Variants in CERS4 observed in about 807,000 individuals in gnomAD.
CERS4 encodes LAG1 homolog, ceramide synthase 4.
A neutral mutation model predicts 51.8 loss-of-function variants in CERS4; 65 were observed. The observed-to-expected ratio is 1.26, with a 90% CI of 1.03 to 1.54. CERS4 has a LOEUF of 1.54. Among genes scored for constraint, CERS4 ranks in the 40% most tolerant of loss-of-function variants. CERS4 has a pLI of 0.00. For synonymous variants in CERS4, 228 were observed against 208.4 expected (o/e 1.09, Z -0.81); for missense variants, 563 against 500.4 (o/e 1.13, Z -1.19).
At chr19:8,217,539 T>TTTA (rs1233922385) in intron 2 of CERS4, among the ~76,000 whole-genome samples, 1 of 147,118 alleles carries the variant, frequency 6.8e-6, no homozygotes, top group Non-Finnish European at 1.5e-5. Context: ...TGGCTAATGT[T>TTTA]TTTTTTTTTT....
At chr19:8,221,870 A>ATTTTTTT (rs1568501097) in intron 2 of CERS4, among the ~76,000 whole-genome samples, 2 of 31,752 alleles carry the variant, frequency 6.3e-5, no homozygotes, top group Non-Finnish European at 1.5e-4. Context: ...TTATTTTTTT[A>ATTTTTTT]TGTTTTTTTT....
intron 2 of CERS4, among the ~76,000 whole-genome samples, chr19:8,220,818 T>G (rs115047582): frequency 0.074 from 6,237 of 84,094 alleles, 418 homozygotes; most frequent in African/African-American, 0.24. Context: ...CTGTTTTGTG[T>G]TTTTTTTTTT....
At chr19:8,221,208 A>G (rs1967526516) in intron 2 of CERS4, among the ~76,000 whole-genome samples, 1 of 151,382 alleles carries the variant, frequency 6.6e-6, no homozygotes, top group South Asian at 2.1e-4. Flanking sequence ...GGCTCAAGCA[A>G]TCCTCCCACC....
chr19:8,254,731 G>A, intron 4 of CERS4, 115 bp downstream of exon 4: 2 of 828,758 alleles, frequency 2.4e-6, no homozygotes, highest in Non-Finnish European at 1.9e-6. Flanking sequence ...AGGCACCCCT[G>A]CAATGCCCCT....
In CERS4 at chr19:8,249,772, G is replaced by C. The variant is rs542436093; in HGVS notation, c.-1-1304G>C. Among the ~76,000 whole-genome samples, 9 of 151,562 alleles carry C rather than the reference G, an allele frequency of 5.9e-5. No individual in the cohort carries two copies. In the South Asian group the frequency reaches 1.9e-3, roughly 32 times the overall value. On this transcript the variant is annotated intron_variant, in intron 2 of 11. Coordinates refer to ENST00000251363, the MANE Select transcript of CERS4 (RefSeq NM_024552.3). ...TGCCTGGCTAATTTTTGTATTTTTA[G>C]TAGAGACAGGGTTTCACCATGTTGG...
intron 10 of CERS4, among the ~76,000 whole-genome samples, chr19:8,259,919 A>G (rs1043260254): frequency 6.6e-6 from 1 of 152,118 alleles, no homozygotes; most frequent in Non-Finnish European, 1.5e-5. Context: ...CCCATGGAGC[A>G]TGAGAGTCAG....
At chr19:8,260,185 AAC>A (rs1382039806) in intron 10 of CERS4, among the ~76,000 whole-genome samples, 1 of 151,810 alleles carries the variant, frequency 6.6e-6, no homozygotes, top group Admixed American at 6.6e-5. Flanking sequence ...GGGTAGGAGA[AAC>A]ACAGCAGCTA....
At position 8,262,104 on chromosome 19, in the gene CERS4, A is replaced by C. The variant is rs1482341887; in HGVS notation, c.1180A>C (p.Thr394Pro). Reference sequence around the variant, plus strand: ...TCTGACCAACAGGCACACAACAGCCACATAGCCGGGCGGGGCTGGCTGTAA... The same window carrying C: ...TCTGACCAACAGGCACACAACAGCCCCATAGCCGGGCGGGGCTGGCTGTAA... ...GRLTNRHTTAT is the reference protein window; with the variant it reads ...GRLTNRHTTAP Residue 394 changes from threonine to proline, a missense_variant, in exon 12 of 12, where the codon ACA becomes CCA. Physicochemically the swap from Thr to Pro is conservative, Grantham distance 38 (BLOSUM62 -1). Transcript: ENST00000251363. 26 of 1,483,646 alleles carry C rather than the reference A, an allele frequency of 1.8e-5. No individual in the cohort carries two copies. In the Admixed American group the frequency reaches 6.2e-4, roughly 36 times the overall value. The allele number at this position is 1,483,646 out of a possible 1,614,324, so 91.9% of individuals were successfully genotyped here. A position where few individuals can be genotyped will look rare whatever the true frequency, so the allele number is the denominator to read the frequency against.
intron 6 of CERS4, 89 bp downstream of exon 6, chr19:8,255,968 C>A: frequency 7.1e-7 from 1 of 1,405,544 alleles, no homozygotes; most frequent in Non-Finnish European, 1.0e-6. Context: ...GTGGTGCAGC[C>A]AGAGAGGAAA....
intron 2 of CERS4, among the ~76,000 whole-genome samples, chr19:8,218,008 A>G (rs1172019791): frequency 6.6e-6 from 1 of 151,896 alleles, no homozygotes; most frequent in Non-Finnish European, 1.5e-5. Flanking sequence ...TCTGTCGCCC[A>G]GGTTGGAGTG....
At position 8,257,936 on chromosome 19, in the gene CERS4, A is replaced by T. The variant is rs765002992; in HGVS notation, c.799A>T (p.Ile267Phe). The T allele has an allele frequency of 1.2e-6, 2 of 1,613,772 alleles. No individual in the cohort carries two copies. Among genetic ancestry groups the T allele is most frequent in the African/African-American group, 2.7e-5 (2 of 74,856 alleles). Residue 267 changes from isoleucine (I) to phenylalanine (F), a missense_variant, in exon 10 of 12, where the codon ATC (isoleucine) becomes TTC (phenylalanine). Transcript: ENST00000251363. Reference sequence around the variant, plus strand: ...GCAAGTGTGCGACGCTCTCTTCCTCATCTTCTCCTTTGTCTTCTTCTACAC... The same window carrying T: ...GCAAGTGTGCGACGCTCTCTTCCTCTTCTTCTCCTTTGTCTTCTTCTACAC... ...YQQVCDALFLIFSFVFFYTRL... is the reference protein window; with the variant it reads ...YQQVCDALFLFFSFVFFYTRL...
At chr19:8,256,552 G>C in intron 7 of CERS4, 66 bp from the exon 8 acceptor site, 1 of 1,459,982 alleles carries the variant, frequency 6.8e-7, no homozygotes, top group Non-Finnish European at 9.4e-7. Flanking sequence ...AGTGGGCCCG[G>C]AGCCATACCC....
At chr19:8,254,694 T>TG (rs1210886477) in intron 4 of CERS4, 78 bp downstream of exon 4, 42 of 1,352,412 alleles carry the variant, frequency 3.1e-5, no homozygotes, top group Non-Finnish European at 4.2e-5. Flanking sequence ...GCCCATTTGT[T>TG]GGGGCAGGAG....
intron 2 of CERS4, among the ~76,000 whole-genome samples, chr19:8,249,353 C>A (rs1485401354): frequency 2.0e-5 from 3 of 152,138 alleles, no homozygotes; most frequent in Admixed American, 6.6e-5. Flanking sequence ...AGGCTGGACC[C>A]TTGGCTCAAG....
At position 8,221,886 on chromosome 19, in the gene CERS4, T is replaced by TG. The variant is rs1568501257; in HGVS notation, c.-2+11024_-2+11025insG. On this transcript the variant is annotated intron_variant, in intron 2 of 11. Coordinates refer to ENST00000251363, the MANE Select transcript of CERS4 (RefSeq NM_024552.3). ...TATTTTTTTATGTTTTTTTTTTTTT[T>TG]TTTTTTTTTTTTTGAGACAGAGGCT... 1.7e-4 allele frequency among the ~76,000 whole-genome samples: 16 copies of TG among 92,948 alleles called. No individual in the cohort carries two copies. The East Asian group carries it at 3.2e-3, about 19-fold the overall frequency. 61.0% of individuals were successfully genotyped at this position (92,948 alleles called of 152,430 possible).
chr19:8,228,930 A>G (rs1471705783), intron 2 of CERS4, among the ~76,000 whole-genome samples: 1 of 151,762 alleles, frequency 6.6e-6, no homozygotes, highest in Non-Finnish European at 1.5e-5. Flanking sequence ...AGGCTGAGGC[A>G]GGAGAATCAC....
chr19:8,235,286 C>T (rs1050051594), intron 2 of CERS4, among the ~76,000 whole-genome samples: 1 of 151,558 alleles, frequency 6.6e-6, no homozygotes, highest in Non-Finnish European at 1.5e-5. Flanking sequence ...GGATTACAGG[C>T]GTGAACGACC....
intron 2 of CERS4, among the ~76,000 whole-genome samples, chr19:8,249,478 GCT>G (rs1307543978): frequency 6.6e-6 from 1 of 151,878 alleles, no homozygotes; most frequent in Non-Finnish European, 1.5e-5. Context: ...TATGCAGTAG[GCT>G]CTCTTACCCT....
chr19:8,216,538 A>G (rs921702694), intron 2 of CERS4, among the ~76,000 whole-genome samples: 6 of 151,832 alleles, frequency 4.0e-5, no homozygotes, highest in Admixed American at 3.9e-4. Context: ...GCACTTTGAG[A>G]GGCAAGTTGG....
Sources: allele counts gnomAD v4.1 joint callset (sites outside exome capture counted in the v4.1 genomes callset), GRCh38; gene constraint gnomAD v4.1.1; transcripts MANE v1.5; gene names NCBI Gene and HGNC (gene_info 2026-07-23, HGNC 2026-07-21).